The following PTPRD variants were observed in gnomAD, a reference collection of about 807,000 sequenced individuals.
The protein encoded by PTPRD is protein tyrosine phosphatase receptor type D.
Under a neutral mutation model 214.5 loss-of-function variants are expected in PTPRD, and 34 were observed. The observed-to-expected ratio is 0.16, with a 90% CI of 0.12 to 0.21. The LOEUF (loss-of-function observed/expected upper bound fraction) is 0.21, where lower values mean the gene tolerates loss of function less well. Among genes scored for constraint, PTPRD ranks in the 10% least tolerant of loss-of-function variants. PTPRD has a pLI of 1.00. For synonymous variants in PTPRD, 1,128 were observed against 845.7 expected, an observed-to-expected ratio of 1.33 and a Z score of -5.79; for missense variants, 2,545 against 2,398.7, an observed-to-expected ratio of 1.06 and a Z score of -1.27.
At chr9:8,399,883 A>G (rs78291357) in intron 36 of PTPRD, among the ~76,000 whole-genome samples, 1,989 of 152,288 alleles carry the variant, frequency 0.013, 59 homozygotes, top group African/African-American at 0.045. Context: ...GCTATTGATC[A>G]TACTTAAGTT....
intron 9 of PTPRD, among the ~76,000 whole-genome samples, chr9:9,270,577 G>C (rs1474662331): frequency 6.6e-6 from 1 of 151,246 alleles, no homozygotes; most frequent in African/African-American, 2.4e-5. Flanking sequence ...GGTGAGTTAG[G>C]AAAGATCAGG....
intron 9 of PTPRD, among the ~76,000 whole-genome samples, chr9:9,248,888 C>T (rs1569565668): frequency 6.6e-6 from 1 of 151,960 alleles, no homozygotes; most frequent in Non-Finnish European, 1.5e-5. Context: ...GATTTCTACT[C>T]TAAAGAATCA....
At chr9:9,539,124 G>C (rs921020987) in intron 8 of PTPRD, among the ~76,000 whole-genome samples, 2 of 151,936 alleles carry the variant, frequency 1.3e-5, no homozygotes, top group South Asian at 2.1e-4. Context: ...TAAAATAATA[G>C]CAATGGGTAA....
chr9:8,535,836 T>A (rs1034690575), intron 14 of PTPRD, among the ~76,000 whole-genome samples: 27 of 151,964 alleles, frequency 1.8e-4, no homozygotes, highest in African/African-American at 6.5e-4. Flanking sequence ...AATAGCTCCA[T>A]TAATTGTTCA....
chr9:8,980,307 T>C (rs2099303913), intron 11 of PTPRD, among the ~76,000 whole-genome samples: 1 of 151,968 alleles, frequency 6.6e-6, no homozygotes, highest in South Asian at 2.1e-4. Context: ...AGTTTAGAGA[T>C]TTAATTTACA....
intron 11 of PTPRD, among the ~76,000 whole-genome samples, chr9:8,831,602 T>C (rs904016006): frequency 1.3e-5 from 2 of 152,176 alleles, no homozygotes; most frequent in Admixed American, 1.3e-4. Flanking sequence ...TAAACTTTCC[T>C]ACAAATGTAT....
chr9:8,797,960 T>A (rs1199038835), intron 11 of PTPRD, among the ~76,000 whole-genome samples: 1 of 151,766 alleles, frequency 6.6e-6, no homozygotes, highest in African/African-American at 2.4e-5. Context: ...AGCCTCGAAC[T>A]CCTGGACTCA....
At chr9:9,684,555 T>G (rs760991701) in intron 7 of PTPRD, among the ~76,000 whole-genome samples, 6 of 151,688 alleles carry the variant, frequency 4.0e-5, no homozygotes, top group Non-Finnish European at 7.4e-5. Context: ...TGAGTAATAA[T>G]ATTAATACTT....
At chr9:8,383,774 TA>T (rs1395344725) in intron 37 of PTPRD, among the ~76,000 whole-genome samples, 1 of 152,172 alleles carries the variant, frequency 6.6e-6, no homozygotes, top group Non-Finnish European at 1.5e-5. Context: ...AACAGCTCTT[TA>T]AGTGAATCAA....
chr9:8,540,408 C>T (rs994882917), intron 14 of PTPRD, among the ~76,000 whole-genome samples: 6 of 151,930 alleles, frequency 3.9e-5, no homozygotes. Flanking sequence ...TACATGAATT[C>T]CTATAAAATT....
At chr9:8,387,543 G>C (rs1469296840) in intron 37 of PTPRD, among the ~76,000 whole-genome samples, 1 of 152,196 alleles carries the variant, frequency 6.6e-6, no homozygotes, top group African/African-American at 2.4e-5. Flanking sequence ...AGGCAGAACA[G>C]ACTGGGTAGG....
rs150970150 is a variant in PTPRD, at chr9:9,773,849, A to G, written c.-367-6998T>C. On this transcript the variant is annotated intron_variant, in intron 5 of 45. Transcript: ENST00000381196. ...TACTCTACCCACAGAAATCTTGGGG[A>G]AAAAAAAAGATAAGCACTGTTCTTA... 2.2e-3 allele frequency among the ~76,000 whole-genome samples: 340 copies of G among 151,612 alleles called. 2 individuals are homozygous for G. Among genetic ancestry groups the G allele is most frequent in the African/African-American group, 7.6e-3 (316 of 41,328 alleles).
chr9:9,200,480 T>C (rs2099941234), intron 9 of PTPRD, among the ~76,000 whole-genome samples: 1 of 152,240 alleles, frequency 6.6e-6, no homozygotes, highest in Non-Finnish European at 1.5e-5. Flanking sequence ...GAGCAATATA[T>C]TTTGTTGATA....
intron 14 of PTPRD, among the ~76,000 whole-genome samples, chr9:8,617,881 A>G (rs1215964307): frequency 6.6e-6 from 1 of 152,140 alleles, no homozygotes; most frequent in Admixed American, 6.6e-5. Flanking sequence ...CATACTCAAT[A>G]GGAAACAACT....
chr9:8,411,281 T>C (rs2093493606), intron 35 of PTPRD, among the ~76,000 whole-genome samples: 1 of 151,750 alleles, frequency 6.6e-6, no homozygotes, highest in South Asian at 2.1e-4. Flanking sequence ...TATATACTTT[T>C]TTAAAATTTT....
intron 8 of PTPRD, among the ~76,000 whole-genome samples, chr9:9,474,214 C>G (rs1032379723): frequency 6.6e-6 from 1 of 151,938 alleles, no homozygotes; most frequent in East Asian, 1.9e-4. Context: ...TGAAGATTGT[C>G]CTTTCCCTAA....
At chr9:8,526,583 G>A in intron 17 of PTPRD, 44 bp downstream of exon 17, 1 of 1,512,586 alleles carries the variant, frequency 6.6e-7, no homozygotes, top group Non-Finnish European at 8.9e-7. Context: ...AGGACAGAAA[G>A]AATGAGTAAG....
chr9:9,546,872 T>C (rs1181965960), intron 8 of PTPRD, among the ~76,000 whole-genome samples: 4 of 151,502 alleles, frequency 2.6e-5, no homozygotes, highest in Admixed American at 2.0e-4. Flanking sequence ...TAAAAGAGCA[T>C]TAAAACCACC....
intron 7 of PTPRD, among the ~76,000 whole-genome samples, chr9:9,638,260 T>A (rs1456521708): frequency 1.3e-5 from 2 of 152,136 alleles, no homozygotes; most frequent in African/African-American, 4.8e-5. Flanking sequence ...CTTTTCACAT[T>A]TTACTACAAG....
Sources: gnomAD v4.1 joint callset for allele counts (sites outside exome capture counted in the v4.1 genomes callset) on GRCh38, gnomAD v4.1.1 for gene constraint, MANE v1.5 for transcripts, NCBI Gene and HGNC (gene_info 2026-07-23, HGNC 2026-07-21) for gene names.